Variants in RIMS1 observed in about 807,000 individuals in gnomAD.
RIMS1 encodes the protein regulating synaptic membrane exocytosis 1, also known as regulating synaptic membrane exocytosis protein 1.
In RIMS1, 83 loss-of-function variants were observed where a neutral mutation model predicts 214.1. That is an observed-to-expected ratio of 0.39 (90% confidence interval 0.32 to 0.47). RIMS1 has a LOEUF of 0.47. Among genes scored for constraint, RIMS1 ranks in the 20% least tolerant of loss-of-function variants. The pLI is 0.99. For synonymous variants in RIMS1, 793 were observed against 786.8 expected (o/e 1.01, Z -0.13); for missense variants, 2,050 against 2,161.8 (o/e 0.95, Z 1.03).
rs1281690606 is a variant in RIMS1, at chr6:72,099,987, G to A, written c.471+1G>A. On this transcript the variant is annotated splice_donor_variant, in intron 4 of 33. Coordinates refer to ENST00000521978, the MANE Select transcript of RIMS1 (RefSeq NM_014989.7). LOFTEE classifies it high-confidence loss of function. ...TGCTTTCCCAAAGGAGGACAAAGTG[G>A]TTAGAATCCATACTTTCTTTTCTAT... The A allele has an allele frequency of 6.2e-7, 1 of 1,602,910 alleles. No homozygotes were observed. The highest frequency in any genetic ancestry group is 8.5e-7 in the Non-Finnish European group (1 of 1,171,084).
At chr6:71,995,976 G>A (rs1472722985) in intron 2 of RIMS1, among the ~76,000 whole-genome samples, 1 of 152,032 alleles carries the variant, frequency 6.6e-6, no homozygotes, top group Non-Finnish European at 1.5e-5. Context: ...TAATAGAGAC[G>A]GAATTTCATC....
At chr6:72,329,060 A>C (rs367831149) in intron 28 of RIMS1, among the ~76,000 whole-genome samples, 30 of 152,028 alleles carry the variant, frequency 2.0e-4, no homozygotes, top group Middle Eastern at 3.4e-3. Context: ...ACATGCATAG[A>C]AAACCAGAGT....
chr6:72,356,390 C>T (rs980625436), intron 29 of RIMS1, among the ~76,000 whole-genome samples: 2 of 152,010 alleles, frequency 1.3e-5, no homozygotes, highest in African/African-American at 4.8e-5. Flanking sequence ...TGCATATCTC[C>T]AGAAAGACAG....
In RIMS1 at chr6:72,400,726, CAG is replaced by C. The variant is rs2098830394; in HGVS notation, c.*15_*16del. The C allele has an allele frequency of 1.3e-6, 2 of 1,565,772 alleles. No homozygotes were observed. The highest frequency in any genetic ancestry group is 8.8e-7 in the Non-Finnish European group (1 of 1,139,248). On this transcript the variant is annotated 3_prime_UTR_variant, in exon 34 of 34. Coordinates refer to ENST00000521978, the MANE Select transcript of RIMS1 (RefSeq NM_014989.7). ...GTATTCGATCATAGTGAACTCATAC[CAG>C]AGTCATTCCAATAAAACTCTACTTT...
At chr6:72,242,236 T>A in intron 9 of RIMS1, 78 bp from the exon 10 acceptor site, 1 of 1,187,298 alleles carries the variant, frequency 8.4e-7, no homozygotes, top group Non-Finnish European at 1.2e-6. Flanking sequence ...TTTGCATTTC[T>A]TTGTTAAAAA....
intron 1 of RIMS1, among the ~76,000 whole-genome samples, chr6:71,957,964 G>C (rs1791785970): frequency 6.6e-6 from 1 of 152,048 alleles, no homozygotes; most frequent in Admixed American, 6.6e-5. Flanking sequence ...TTGAGCTTGT[G>C]AATCTAATGC....
chr6:72,020,069 A>G (rs1043994649), intron 2 of RIMS1, among the ~76,000 whole-genome samples: 1 of 152,192 alleles, frequency 6.6e-6, no homozygotes, highest in Non-Finnish European at 1.5e-5. Context: ...AAGTCACTCA[A>G]CTTCTCAGAG....
At chr6:72,281,476 A>G (rs1431331262) in intron 23 of RIMS1, among the ~76,000 whole-genome samples, 7 of 152,120 alleles carry the variant, frequency 4.6e-5, no homozygotes, top group Non-Finnish European at 1.5e-5. Flanking sequence ...ACTTGGGTCT[A>G]GAAATTAATA....
intron 24 of RIMS1, among the ~76,000 whole-genome samples, chr6:72,284,879 A>G (rs1225367997): frequency 1.3e-5 from 2 of 152,208 alleles, no homozygotes; most frequent in Non-Finnish European, 2.9e-5. Flanking sequence ...AAAGTTGTGC[A>G]GTAAGGATGA....
chr6:72,395,693 G>A (rs1486767243), intron 31 of RIMS1, among the ~76,000 whole-genome samples: 1 of 151,902 alleles, frequency 6.6e-6, no homozygotes, highest in Non-Finnish European at 1.5e-5. Flanking sequence ...CCCAGAATAG[G>A]GAAAGGAGTA....
intron 1 of RIMS1, among the ~76,000 whole-genome samples, chr6:71,913,549 G>T (rs1777520862): frequency 1.3e-5 from 2 of 151,986 alleles, no homozygotes; most frequent in South Asian, 4.1e-4. Flanking sequence ...CCCTTAAATA[G>T]AAAACAGTTA....
intron 26 of RIMS1, among the ~76,000 whole-genome samples, chr6:72,292,444 A>T (rs762371014): frequency 1.2e-4 from 19 of 152,274 alleles, no homozygotes; most frequent in South Asian, 6.2e-4. Flanking sequence ...TCCTTTACAA[A>T]TTTTTTAATT....
intron 2 of RIMS1, among the ~76,000 whole-genome samples, chr6:72,025,387 A>G (rs1816118344): frequency 6.6e-6 from 1 of 152,194 alleles, no homozygotes; most frequent in African/African-American, 2.4e-5. Context: ...AAGAGCTGAA[A>G]TTTAAAAACA....
At chr6:72,063,377 G>A (rs1231181738) in intron 2 of RIMS1, among the ~76,000 whole-genome samples, 3 of 152,154 alleles carry the variant, frequency 2.0e-5, no homozygotes, top group Non-Finnish European at 4.4e-5. Context: ...ACGTGGGAGG[G>A]ACACCAACAG....
At chr6:72,255,945 A>G (rs2075629268) in intron 16 of RIMS1, among the ~76,000 whole-genome samples, 1 of 149,836 alleles carries the variant, frequency 6.7e-6, no homozygotes. Flanking sequence ...CTGAGGCAGG[A>G]GAATCACTTC....
intron 2 of RIMS1, among the ~76,000 whole-genome samples, chr6:72,040,957 G>A (rs187660184): frequency 1.3e-5 from 2 of 151,914 alleles, no homozygotes; most frequent in South Asian, 2.1e-4. Context: ...GTTATCTGGC[G>A]ATCGTTTCAG....
intron 2 of RIMS1, among the ~76,000 whole-genome samples, chr6:72,028,703 T>C (rs537047105): frequency 1.3e-5 from 2 of 152,332 alleles, no homozygotes; most frequent in South Asian, 4.1e-4. Flanking sequence ...TAAAATAGGA[T>C]ATTTCTTAAA....
chr6:72,274,838 G>C (rs2085335248), intron 23 of RIMS1, among the ~76,000 whole-genome samples: 1 of 151,946 alleles, frequency 6.6e-6, no homozygotes, highest in African/African-American at 2.4e-5. Flanking sequence ...TTGTTTTGCT[G>C]CTGTGTACAC....
At chr6:72,138,048 T>A (rs545595774) in intron 4 of RIMS1, among the ~76,000 whole-genome samples, 63 of 152,200 alleles carry the variant, frequency 4.1e-4, no homozygotes, top group Non-Finnish European at 9.0e-4. Flanking sequence ...GTCTATACAA[T>A]CTTAATGCAA....
Sources: allele counts gnomAD v4.1 joint callset (sites outside exome capture counted in the v4.1 genomes callset), GRCh38; gene constraint gnomAD v4.1.1; transcripts MANE v1.5; gene names NCBI Gene and HGNC (gene_info 2026-07-23, HGNC 2026-07-21).